Variants in DPYD observed in about 807,000 individuals in gnomAD.
DPYD encodes the protein dihydropyrimidine dehydrogenase [NADP(+)].
Under a neutral mutation model 116.2 loss-of-function variants are expected in DPYD, and 109 were observed. That is an observed-to-expected ratio of 0.94 (90% CI 0.80 to 1.10). The LOEUF is 1.10. Ranked by LOEUF, DPYD falls within the 50% of genes least tolerant of loss-of-function variation. The pLI, the probability that DPYD is intolerant of heterozygous loss-of-function variation, is 0.00. For synonymous variants in DPYD, 440 were observed against 432.0 expected, an observed-to-expected ratio of 1.02 and a Z score of -0.23; for missense variants, 1,302 against 1,254.5, an observed-to-expected ratio of 1.04 and a Z score of -0.57.
At chr1:97,592,468 G>A (rs1218630291) in intron 10 of DPYD, among the ~76,000 whole-genome samples, 2 of 152,124 alleles carry the variant, frequency 1.3e-5, no homozygotes, top group African/African-American at 4.8e-5. Flanking sequence ...CCGGGTTCAC[G>A]CCATTCTCCT....
At chr1:97,557,183 G>T (rs866893501) in intron 11 of DPYD, among the ~76,000 whole-genome samples, 1 of 151,444 alleles carries the variant, frequency 6.6e-6, no homozygotes, top group Non-Finnish European at 1.5e-5. Flanking sequence ...CATGTCCTTC[G>T]CCCACTTTTT....
intron 14 of DPYD, among the ~76,000 whole-genome samples, chr1:97,417,638 T>A (rs1448583088): frequency 6.6e-6 from 1 of 152,234 alleles, no homozygotes; most frequent in Non-Finnish European, 1.5e-5. Context: ...GATTTTGAAT[T>A]TATTTTACGA....
At chr1:97,251,040 G>A (rs951155203) in intron 18 of DPYD, among the ~76,000 whole-genome samples, 1 of 152,074 alleles carries the variant, frequency 6.6e-6, no homozygotes, top group Admixed American at 6.6e-5. Flanking sequence ...TCTTTTGATG[G>A]TCAGAATCTT....
intron 15 of DPYD, among the ~76,000 whole-genome samples, chr1:97,381,059 T>C (rs1204221300): frequency 2.0e-5 from 3 of 152,186 alleles, no homozygotes; most frequent in Admixed American, 6.5e-5. Context: ...TCTTGTTATG[T>C]AGACTGCTCT....
chr1:97,606,883 T>TG (rs1655634225), intron 8 of DPYD, among the ~76,000 whole-genome samples: 1 of 151,928 alleles, frequency 6.6e-6, no homozygotes, highest in South Asian at 2.1e-4. Context: ...AACATGGCAT[T>TG]GCAGGGGGTA....
rs114372642 is a variant in DPYD at position 97,312,608 on chromosome 1, T to C, written c.2059-6311A>G. On this transcript the variant is annotated intron_variant, in intron 16 of 22. Coordinates refer to ENST00000370192, the MANE Select transcript of DPYD (RefSeq NM_000110.4). ...ATCTTTGTAAACTGACATGGAAAGA[T>C]ATCCAAAACATATTAAGTGAACAAA... Among the ~76,000 whole-genome samples the C allele has an allele frequency of 7.4e-3, 1,118 of 151,960 alleles. 12 individuals are homozygous for C. The highest frequency in any genetic ancestry group is 0.026 in the African/African-American group (1,076 of 41,504).
chr1:97,240,169 T>C (rs77146742), intron 18 of DPYD, among the ~76,000 whole-genome samples: 1 of 152,032 alleles, frequency 6.6e-6, no homozygotes, highest in Non-Finnish European at 1.5e-5. Context: ...AGCAGTGTCA[T>C]AATGTTGATG....
At chr1:97,797,811 T>G (rs898618650) in intron 3 of DPYD, 22 of 152,248 alleles carry the variant, frequency 1.4e-4, no homozygotes, top group Admixed American at 1.2e-3. Flanking sequence ...TAAGCCTTTT[T>G]TAAAGTATAT....
chr1:97,800,614 C>T (rs1461574651), intron 3 of DPYD, among the ~76,000 whole-genome samples: 2 of 151,926 alleles, frequency 1.3e-5, no homozygotes, highest in African/African-American at 4.8e-5. Context: ...CACCAGATAA[C>T]CTTTCTTTCT....
At chr1:97,568,344 C>A (rs1652675638) in intron 11 of DPYD, among the ~76,000 whole-genome samples, 1 of 152,052 alleles carries the variant, frequency 6.6e-6, no homozygotes, top group Non-Finnish European at 1.5e-5. Context: ...ATAATAACAT[C>A]TGTAACTTAA....
chr1:97,891,477 A>G (rs1672772808), intron 1 of DPYD, among the ~76,000 whole-genome samples: 1 of 151,966 alleles, frequency 6.6e-6, no homozygotes, highest in African/African-American at 2.4e-5. Context: ...TTAAGAAATG[A>G]TGGAATATTA....
intron 8 of DPYD, among the ~76,000 whole-genome samples, chr1:97,640,169 ATTC>A (rs1485675561): frequency 2.0e-5 from 3 of 152,134 alleles, no homozygotes; most frequent in Non-Finnish European, 2.9e-5. Flanking sequence ...AAGGGTACAA[ATTC>A]TTCGATTTGT....
At chr1:97,408,404 C>A (rs954260428) in intron 14 of DPYD, among the ~76,000 whole-genome samples, 6 of 151,862 alleles carry the variant, frequency 4.0e-5, no homozygotes, top group Non-Finnish European at 8.8e-5. Context: ...TTCCTTTTTT[C>A]CTTTATCATG....
At chr1:97,421,260 G>A (rs1390477175) in intron 14 of DPYD, among the ~76,000 whole-genome samples, 1 of 152,114 alleles carries the variant, frequency 6.6e-6, no homozygotes, top group African/African-American at 2.4e-5. Context: ...AGTATGTCTG[G>A]CACACAAGTG....
At chr1:97,494,316 C>T (rs1439645952) in intron 13 of DPYD, among the ~76,000 whole-genome samples, 4 of 151,766 alleles carry the variant, frequency 2.6e-5, no homozygotes, top group Non-Finnish European at 5.9e-5. Context: ...TCCATCTTAG[C>T]CTGCTAATTA....
intron 2 of DPYD, among the ~76,000 whole-genome samples, chr1:97,850,712 T>A: frequency 6.6e-6 from 1 of 151,876 alleles, no homozygotes; most frequent in East Asian, 1.9e-4. Flanking sequence ...TAGTGTCATC[T>A]ATAGAATTCG....
intron 14 of DPYD, among the ~76,000 whole-genome samples, chr1:97,421,238 T>C (rs1674562491): frequency 6.6e-6 from 1 of 152,168 alleles, no homozygotes; most frequent in African/African-American, 2.4e-5. Context: ...TAATTTTAGT[T>C]AAGCTCTTGG....
intron 3 of DPYD, among the ~76,000 whole-genome samples, chr1:97,779,860 C>G (rs1008012306): frequency 6.6e-6 from 1 of 152,010 alleles, no homozygotes; most frequent in Admixed American, 6.6e-5. Flanking sequence ...CCAACTCTAA[C>G]TTTTACTAGC....
At chr1:97,665,203 G>A (rs1385871957) in intron 8 of DPYD, among the ~76,000 whole-genome samples, 1 of 152,058 alleles carries the variant, frequency 6.6e-6, no homozygotes, top group African/African-American at 2.4e-5. Flanking sequence ...ACAGTCAACA[G>A]GAGAGGAAAA....
Sources: gnomAD v4.1 joint callset for allele counts (sites outside exome capture counted in the v4.1 genomes callset) on GRCh38, gnomAD v4.1.1 for gene constraint, MANE v1.5 for transcripts, NCBI Gene and HGNC (gene_info 2026-07-23, HGNC 2026-07-21) for gene names.